The following PLSCR1 variants were observed in gnomAD, a reference collection of about 807,000 sequenced individuals.
PLSCR1 encodes PL scramblase 1.
PLSCR1 carries 17 observed loss-of-function variants against 37.8 expected under a neutral mutation model. The observed-to-expected ratio is 0.45, with a 90% CI of 0.31 to 0.68. The LOEUF (loss-of-function observed/expected upper bound fraction) is 0.68. PLSCR1 is among the 30% of genes least tolerant of loss of function. PLSCR1 has a pLI of 0.06. For missense variants in PLSCR1, 347 were observed against 380.9 expected, an observed-to-expected ratio of 0.91 and a Z score of 0.74; for synonymous variants, 116 against 125.9, an observed-to-expected ratio of 0.92 and a Z score of 0.53.
intron 5 of PLSCR1, among the ~76,000 whole-genome samples, chr3:146,523,255 T>A (rs2044057609): frequency 6.6e-6 from 1 of 152,202 alleles, no homozygotes; most frequent in Non-Finnish European, 1.5e-5. Context: ...TGGAAACAAG[T>A]TATATTTTCC....
At chr3:146,525,513 G>A (rs958526632) in intron 5 of PLSCR1, 92 bp downstream of exon 5, 5 of 717,968 alleles carry the variant, frequency 7.0e-6, no homozygotes, top group African/African-American at 5.4e-5. Flanking sequence ...TCCTATATAA[G>A]TGAGAGTGTT....
chr3:146,542,872 G>A (rs915230058), intron 1 of PLSCR1, among the ~76,000 whole-genome samples: 3 of 152,094 alleles, frequency 2.0e-5, no homozygotes, highest in Non-Finnish European at 2.9e-5. Flanking sequence ...CCAGGCACTA[G>A]AGCACAATAC....
At chr3:146,524,937 A>G (rs1439517585) in intron 5 of PLSCR1, among the ~76,000 whole-genome samples, 2 of 152,186 alleles carry the variant, frequency 1.3e-5, no homozygotes, top group African/African-American at 4.8e-5. Context: ...GGAAAACACT[A>G]TGGTTCATAA....
At chr3:146,536,215 A>T (rs1284607063) in intron 2 of PLSCR1, among the ~76,000 whole-genome samples, 1 of 152,220 alleles carries the variant, frequency 6.6e-6, no homozygotes, top group African/African-American at 2.4e-5. Context: ...GTATGACTTG[A>T]ATAATCTTTA....
chr3:146,535,449 A>G (rs925352591), intron 2 of PLSCR1, among the ~76,000 whole-genome samples: 16 of 152,200 alleles, frequency 1.1e-4, no homozygotes, highest in Non-Finnish European at 2.2e-4. Context: ...CGTTTTTGAA[A>G]TGCAACTTAA....
chr3:146,536,595 T>G, intron 1 of PLSCR1, 30 bp from the exon 2 acceptor site: 1 of 1,383,420 alleles, frequency 7.2e-7, no homozygotes, highest in Non-Finnish European at 1.0e-6. Context: ...ATTAACACAC[T>G]GTCTACAAGG....
intron 2 of PLSCR1, among the ~76,000 whole-genome samples, chr3:146,535,533 T>C (rs1576795665): frequency 6.6e-6 from 1 of 152,222 alleles, no homozygotes. Context: ...TGTATGTATA[T>C]ATACATATTT....
chr3:146,536,699 A>C (rs1560090058), intron 1 of PLSCR1, 134 bp from the exon 2 acceptor site: 5 of 596,776 alleles, frequency 8.4e-6, no homozygotes, highest in East Asian at 5.4e-5. Context: ...GCCCAGCCTT[A>C]TCTGGTCATT....
chr3:146,518,926 A>G (rs1285024897), intron 7 of PLSCR1, among the ~76,000 whole-genome samples: 3 of 152,214 alleles, frequency 2.0e-5, no homozygotes, highest in Admixed American at 2.0e-4. Context: ...AAGCATTCTA[A>G]AAAGAAAACC....
chr3:146,528,488 A>C (rs1230943074), intron 4 of PLSCR1, 126 bp downstream of exon 4: 1 of 741,896 alleles, frequency 1.3e-6, no homozygotes, highest in Non-Finnish European at 2.3e-6. Context: ...GAATTAGAGT[A>C]ATCTGTTAGC....
At chr3:146,534,148 A>G (rs773967647) in intron 2 of PLSCR1, among the ~76,000 whole-genome samples, 1 of 152,190 alleles carries the variant, frequency 6.6e-6, no homozygotes, top group Non-Finnish European at 1.5e-5. Context: ...TTATTTGCTA[A>G]TAAGGCTTGA....
chr3:146,521,219 T>C (rs1343048975), intron 7 of PLSCR1, among the ~76,000 whole-genome samples: 1 of 152,216 alleles, frequency 6.6e-6, no homozygotes, highest in Non-Finnish European at 1.5e-5. Flanking sequence ...CAATCAGACT[T>C]AGATGGCAAG....
In PLSCR1 at chr3:146,525,598, T is replaced by A; in HGVS notation, c.355+7A>T. 7.0e-7 allele frequency: 1 copy of A among 1,438,402 alleles called. No homozygotes were observed. The highest frequency in any genetic ancestry group is 9.7e-7 in the Non-Finnish European group (1 of 1,025,746). 89.1% of individuals were successfully genotyped at this position (1,438,402 alleles called of 1,614,324 possible). A position where few individuals can be genotyped will look rare whatever the true frequency, so the allele number is the denominator to read the frequency against. On this transcript the variant is annotated splice_region_variant and intron_variant, in intron 5 of 8. Transcript: ENST00000342435. ...ATAGAAACAGGATTAAAACAATGAATACATACCTTCCAGAAGTTCAATTTG... is the reference window on the plus strand; with the variant it reads ...ATAGAAACAGGATTAAAACAATGAAAACATACCTTCCAGAAGTTCAATTTG...
At chr3:146,527,673 A>G (rs911306188) in intron 4 of PLSCR1, among the ~76,000 whole-genome samples, 1 of 152,182 alleles carries the variant, frequency 6.6e-6, no homozygotes, top group African/African-American at 2.4e-5. Context: ...ATCTATTTCT[A>G]TGTATTTCTT....
Position 146,515,974 on chromosome 3 carries a change from C to G in PLSCR1, c.*71G>C. On this transcript the variant is annotated 3_prime_UTR_variant, in exon 9 of 9. Transcript: ENST00000342435. Reference sequence around the variant, plus strand: ...TACAGGCCTTACAGCTTAATTCATACAGGTATGAGTTTAGATAGTCTCAAT... The same window carrying G: ...TACAGGCCTTACAGCTTAATTCATAGAGGTATGAGTTTAGATAGTCTCAAT... 1 of 926,370 alleles carries G rather than the reference C, an allele frequency of 1.1e-6. No individual in the cohort carries two copies. 57.4% of individuals were successfully genotyped at this position (926,370 alleles called of 1,614,324 possible). A position where few individuals can be genotyped will look rare whatever the true frequency, so the allele number is the denominator to read the frequency against.
At chr3:146,516,944 A>G (rs1219916501) in intron 8 of PLSCR1, 62 bp downstream of exon 8, 12 of 1,019,446 alleles carry the variant, frequency 1.2e-5, no homozygotes, top group Non-Finnish European at 1.7e-5. Flanking sequence ...CACTTTACTG[A>G]ATCATTTCAG....
intron 4 of PLSCR1, among the ~76,000 whole-genome samples, chr3:146,526,183 CAAAAAAAAAAAAAA>C (rs60229241): frequency 9.3e-5 from 4 of 42,830 alleles, no homozygotes; most frequent in East Asian, 9.1e-4. Context: ...GACTCCATCT[CAAAAAAAAAAAAAA>C]AAAAAAAGAA....
chr3:146,526,127 G>T (rs1383344573), intron 4 of PLSCR1, among the ~76,000 whole-genome samples: 2 of 135,054 alleles, frequency 1.5e-5, no homozygotes, highest in African/African-American at 5.6e-5. Context: ...ATGTTGCAGT[G>T]AGCCGAGATC....
At chr3:146,542,598 G>C (rs1229857373) in intron 1 of PLSCR1, among the ~76,000 whole-genome samples, 1 of 152,174 alleles carries the variant, frequency 6.6e-6, no homozygotes, top group Non-Finnish European at 1.5e-5. Flanking sequence ...TACAGCAGCA[G>C]ACAACATATG....
Sources: allele counts gnomAD v4.1 joint callset (sites outside exome capture counted in the v4.1 genomes callset), GRCh38; gene constraint gnomAD v4.1.1; transcripts MANE v1.5; gene names NCBI Gene and HGNC (gene_info 2026-07-23, HGNC 2026-07-21).